The following PAICS variants were observed in gnomAD, a reference collection of about 807,000 sequenced individuals.
The protein encoded by PAICS is bifunctional phosphoribosylaminoimidazole carboxylase/phosphoribosylaminoimidazole succinocarboxamide synthetase.
A neutral mutation model predicts 53.7 loss-of-function variants in PAICS; 33 were observed. The ratio of observed to expected loss-of-function variants is 0.61; its 90% CI spans 0.47 to 0.82. The LOEUF (loss-of-function observed/expected upper bound fraction) is 0.82, where lower values mean the gene tolerates loss of function less well. Ranked by LOEUF, PAICS falls within the 40% of genes least tolerant of loss-of-function variation. PAICS has a pLI of 0.00. For synonymous variants in PAICS, 141 were observed against 167.2 expected, an observed-to-expected ratio of 0.84 and a Z score of 1.21; for missense variants, 394 against 494.1, an observed-to-expected ratio of 0.80 and a Z score of 1.92.
chr4:56,432,736 G>A (rs754264135), upstream of PAICS, among the ~76,000 whole-genome samples: 23 of 146,846 alleles, frequency 1.6e-4, no homozygotes, highest in Non-Finnish European at 2.8e-4. Flanking sequence ...AGTGAGGGGA[G>A]ACTGCGCCAC....
At chr4:56,446,211 A>G (rs1235430335) in intron 2 of PAICS, 18 of 506,268 alleles carry the variant, frequency 3.6e-5, no homozygotes, top group Middle Eastern at 2.8e-4. Context: ...TGCATTCACA[A>G]TGTTGTACAT....
chr4:56,426,595 T>C, the PAICS span, among the ~76,000 whole-genome samples: 1 of 152,214 alleles, frequency 6.6e-6, no homozygotes, highest in Non-Finnish European at 1.5e-5. Flanking sequence ...TTGTAGCATA[T>C]ATCAGTATTT....
chr4:56,454,328 G>A (rs188539150), intron 8 of PAICS, among the ~76,000 whole-genome samples: 95 of 152,220 alleles, frequency 6.2e-4, no homozygotes, highest in African/African-American at 2.2e-3. Context: ...TGGAAATTGG[G>A]CCTGTGACAT....
At chr4:56,441,390 T>C (rs1349181285) in intron 1 of PAICS, among the ~76,000 whole-genome samples, 1 of 151,546 alleles carries the variant, frequency 6.6e-6, no homozygotes, top group Non-Finnish European at 1.5e-5. Flanking sequence ...CTACCTCTTA[T>C]ATTTCCTAAC....
the PAICS span, among the ~76,000 whole-genome samples, chr4:56,426,883 T>C: frequency 6.6e-6 from 1 of 152,208 alleles, no homozygotes; most frequent in Admixed American, 6.5e-5. Context: ...TCTGTAGCCA[T>C]TAAACAATAA....
intron 1 of PAICS, among the ~76,000 whole-genome samples, chr4:56,439,446 A>G (rs377457199): frequency 6.6e-6 from 1 of 152,170 alleles, no homozygotes; most frequent in Non-Finnish European, 1.5e-5. Context: ...CATGTTGGTC[A>G]GCCTGGTCTT....
chr4:56,416,132 A>C, the PAICS span, among the ~76,000 whole-genome samples: 2 of 152,264 alleles, frequency 1.3e-5, no homozygotes, highest in East Asian at 3.9e-4. Flanking sequence ...AAACTTAAAA[A>C]ATTATCAAAC....
intron 8 of PAICS, among the ~76,000 whole-genome samples, chr4:56,459,021 G>A (rs1037714982): frequency 6.6e-6 from 1 of 152,142 alleles, no homozygotes; most frequent in African/African-American, 2.4e-5. Context: ...CTCTTACCTT[G>A]ACCCTTATTT....
At chr4:56,457,027 T>G (rs1719248010) in intron 8 of PAICS, among the ~76,000 whole-genome samples, 1 of 152,168 alleles carries the variant, frequency 6.6e-6, no homozygotes, top group Non-Finnish European at 1.5e-5. Flanking sequence ...CATTAGTGTC[T>G]AGGTATTTTC....
chr4:56,414,499 C>T, the PAICS span, among the ~76,000 whole-genome samples: 1 of 152,220 alleles, frequency 6.6e-6, no homozygotes, highest in Non-Finnish European at 1.5e-5. Flanking sequence ...AATTTCCCCT[C>T]TATTTCACTC....
chr4:56,442,452 G>A (rs902834440), intron 2 of PAICS, among the ~76,000 whole-genome samples: 1 of 152,174 alleles, frequency 6.6e-6, no homozygotes, highest in African/African-American at 2.4e-5. Context: ...ATGAAGATCA[G>A]AACATTGTGT....
At chr4:56,413,165 T>A in the PAICS span, among the ~76,000 whole-genome samples, 2 of 152,206 alleles carry the variant, frequency 1.3e-5, no homozygotes, top group East Asian at 3.9e-4. Context: ...TTGGTTTTGT[T>A]TTGTTTTGTT....
the PAICS span, among the ~76,000 whole-genome samples, chr4:56,425,703 G>A: frequency 2.0e-5 from 3 of 152,136 alleles, no homozygotes; most frequent in Admixed American, 1.3e-4. Context: ...CAGGATAGGG[G>A]GTAGTCACCG....
At chr4:56,447,074 A>G (rs1232704964) in intron 3 of PAICS, among the ~76,000 whole-genome samples, 2 of 151,072 alleles carry the variant, frequency 1.3e-5, no homozygotes, top group Non-Finnish European at 2.9e-5. Context: ...TTTTAAAAAG[A>G]AAGCATCTGA....
intron 7 of PAICS, 73 bp from the exon 8 acceptor site, chr4:56,453,530 A>C: frequency 1.3e-6 from 1 of 765,602 alleles, no homozygotes. Context: ...CCTTAAACCA[A>C]AAAAAAAAAA....
chr4:56,431,849 G>A (rs1375703279), upstream of PAICS, among the ~76,000 whole-genome samples: 2 of 152,310 alleles, frequency 1.3e-5, no homozygotes, highest in South Asian at 2.1e-4. Flanking sequence ...CTGAAATGAT[G>A]TTTTCAGGAC....
chr4:56,441,728 C>G lies in PAICS; in HGVS notation c.82C>G (p.Pro28Ala), dbSNP rs1328329910. ...AGAAGTCTACGAATTGTTAGACAGT[C>G]CAGGAAAAGTCCTCCTGCAGTCCAA... ...TKEVYELLDS[P>A]GKVLLQSKDQ... The change falls in exon 2 of 9, where the codon CCA becomes GCA. Residue 28 changes from proline (P) to alanine (A), a missense_variant. Pro to Ala is a conservative substitution (Grantham distance 27, BLOSUM62 -1). Transcript: ENST00000512576. The G allele has an allele frequency of 3.1e-6, 5 of 1,604,560 alleles. No individual in the cohort carries two copies. The highest frequency in any genetic ancestry group is 4.3e-6 in the Non-Finnish European group (5 of 1,174,642).
chr4:56,436,630 A>G (rs1285228921), intron 1 of PAICS: 2 of 652,788 alleles, frequency 3.1e-6, no homozygotes, highest in South Asian at 1.5e-5. Flanking sequence ...TGATTCGTCA[A>G]AACCTGAGTC....
chr4:56,461,330 A>G lies in PAICS; in HGVS notation c.*1792A>G, dbSNP rs1719506642. 1 of 152,238 alleles carries G rather than the reference A, an allele frequency of 6.6e-6. No homozygotes were observed. Among genetic ancestry groups the G allele is most frequent in the African/African-American group, 2.4e-5 (1 of 41,462 alleles). 9.4% of individuals were successfully genotyped at this position (152,238 alleles called of 1,614,324 possible). The stretch of plus-strand genomic sequence containing the variant: ...TTAAGTTTATATCTTATGCTAGTTT[A>G]TAAGAACAATTAAAAGGACTTAGAA... On this transcript the variant is annotated 3_prime_UTR_variant, in exon 9 of 9. Coordinates refer to ENST00000512576, the MANE Select transcript of PAICS (RefSeq NM_001079524.2).
Sources: gnomAD v4.1 joint callset for allele counts (sites outside exome capture counted in the v4.1 genomes callset) on GRCh38, gnomAD v4.1.1 for gene constraint, MANE v1.5 for transcripts, NCBI Gene and HGNC (gene_info 2026-07-23, HGNC 2026-07-21) for gene names.